Variants in PLOD2 observed in about 807,000 individuals in gnomAD.
PLOD2 encodes the protein lysine hydroxylase 2.
PLOD2 carries 65 observed loss-of-function variants against 101.0 expected under a neutral mutation model. That is an observed-to-expected ratio of 0.64 (90% CI 0.53 to 0.79). The LOEUF (loss-of-function observed/expected upper bound fraction) is 0.79, where lower values mean the gene tolerates loss of function less well. Ranked by LOEUF, PLOD2 falls within the 30% of genes least tolerant of loss-of-function variation. The pLI is 0.00. For missense variants in PLOD2, 909 were observed against 914.6 expected, an observed-to-expected ratio of 0.99 and a Z score of 0.08; for synonymous variants, 314 against 302.9, an observed-to-expected ratio of 1.04 and a Z score of -0.38.
At chr3:146,122,892 C>A (rs560337613) in intron 2 of PLOD2, among the ~76,000 whole-genome samples, 2 of 152,224 alleles carry the variant, frequency 1.3e-5, no homozygotes, top group African/African-American at 4.8e-5. Context: ...CCATTCTGAA[C>A]CCTAACGATT....
chr3:146,111,430 C>T (rs1204771694), intron 3 of PLOD2, among the ~76,000 whole-genome samples: 1 of 152,062 alleles, frequency 6.6e-6, no homozygotes, highest in African/African-American at 2.4e-5. Context: ...AACCTCTTTA[C>T]ACTTAAGTGT....
At chr3:146,128,648 A>G (rs2030726892) in intron 1 of PLOD2, among the ~76,000 whole-genome samples, 1 of 152,102 alleles carries the variant, frequency 6.6e-6, no homozygotes, top group Admixed American at 6.6e-5. Context: ...CAATTTGTTT[A>G]GAAAGGCCAA....
chr3:146,083,896 T>C (rs539216384), intron 11 of PLOD2, among the ~76,000 whole-genome samples: 20 of 152,054 alleles, frequency 1.3e-4, no homozygotes, highest in African/African-American at 4.6e-4. Context: ...TTTTTTTTCT[T>C]TTAGAAGATT....
In PLOD2 at chr3:146,123,441, G is replaced by C. The variant is rs552910881; in HGVS notation, c.201+697C>G. On this transcript the variant is annotated intron_variant, in intron 2 of 19. Coordinates refer to ENST00000282903, the MANE Select transcript of PLOD2 (RefSeq NM_182943.3). Reference sequence around the variant, plus strand: ...CACTTGTCAATGAGATGTTCACCTGGAGATAAGTTTTCTAAAATGCTTTGG... The same window carrying C: ...CACTTGTCAATGAGATGTTCACCTGCAGATAAGTTTTCTAAAATGCTTTGG... 2.1e-4 allele frequency: 38 copies of C among 181,950 alleles called. No homozygotes were observed. The East Asian group carries it at 5.0e-3, about 24-fold the overall frequency. 11.3% of individuals were successfully genotyped at this position (181,950 alleles called of 1,614,324 possible).
chr3:146,097,601 C>T (rs1403817100), intron 7 of PLOD2, among the ~76,000 whole-genome samples: 15 of 117,018 alleles, frequency 1.3e-4, no homozygotes, highest in African/African-American at 4.7e-4. Context: ...TTGAAGGCAG[C>T]ATGCTCGTTA....
chr3:146,160,107 A>G (rs1483158426), intron 1 of PLOD2, among the ~76,000 whole-genome samples: 1 of 152,256 alleles, frequency 6.6e-6, no homozygotes, highest in East Asian at 1.9e-4. Context: ...AGTTGAGCAC[A>G]AAGAGCACAA....
chr3:146,095,282 A>G (rs1576588373), intron 7 of PLOD2, among the ~76,000 whole-genome samples: 1 of 152,206 alleles, frequency 6.6e-6, no homozygotes, highest in Middle Eastern at 3.4e-3. Context: ...TGAACAGGCA[A>G]CCTACAGAAT....
rs2030396574 is a variant in PLOD2, at chr3:146,124,187, C to T, written c.152G>A (p.Gly51Glu). The T allele has an allele frequency of 6.3e-7, 1 of 1,597,560 alleles. No individual in the cohort carries two copies. The highest frequency in any genetic ancestry group is 1.7e-5 in the Admixed American group (1 of 59,882). ...VITVATKESDGFHRFMQSAKY... is the reference protein window; with the variant it reads ...VITVATKESDEFHRFMQSAKY... ...GGCTGACTGCATAAATCGATGGAAT[C>T]CATCACTTTCTTTTGTTGCTACAGT... Residue 51 changes from glycine to glutamate, a missense_variant, in exon 2 of 20, where the codon GGA becomes GAA. By Grantham distance (98) the Gly-to-Glu change is moderately conservative. Transcript: ENST00000282903.
In PLOD2 at chr3:146,081,730, T is replaced by C. The variant is rs1381766296; in HGVS notation, c.1358+8A>G. 1 of 1,600,748 alleles carries C rather than the reference T, an allele frequency of 6.2e-7. No homozygotes were observed. Among genetic ancestry groups the C allele is most frequent in the Non-Finnish European group, 8.6e-7 (1 of 1,168,542 alleles). On this transcript the variant is annotated splice_region_variant and intron_variant, in intron 12 of 19. Transcript: ENST00000282903. ...TTTCACATTAAAATATTAAACCAAG[T>C]AACTTACACTCTATTCCCTTGAACA...
rs760643773 is a variant in PLOD2 at position 146,071,124 on chromosome 3, C to A, written c.2039G>T (p.Arg680Leu). The A allele has an allele frequency of 2.5e-6, 4 of 1,610,848 alleles. No individual in the cohort carries two copies. In the South Asian group the frequency reaches 3.3e-5, roughly 13 times the overall value. The change falls in exon 19 of 20, where the codon CGA (arginine) becomes CTA (leucine). Residue 680 changes from arginine to leucine, a missense_variant. By Grantham distance (102) the Arg-to-Leu change is moderately radical. Transcript: ENST00000282903. ...ATGATGAGGACGAAGAGAACGCTGT[C>A]GTTCAGGGGAGTATTTTACTACAAA... ...LNFVVKYSPE[R>L]QRSLRPHHDA...
intron 7 of PLOD2, among the ~76,000 whole-genome samples, chr3:146,097,843 A>G (rs564222549): frequency 1.3e-5 from 2 of 151,612 alleles, no homozygotes; most frequent in South Asian, 2.1e-4. Flanking sequence ...AAAATGTGGC[A>G]TATATACACC....
chr3:146,156,061 A>G (rs1272242847), intron 1 of PLOD2, among the ~76,000 whole-genome samples: 7 of 152,226 alleles, frequency 4.6e-5, no homozygotes, highest in African/African-American at 1.7e-4. Context: ...TTTGATCATG[A>G]GAACACTACT....
intron 17 of PLOD2, among the ~76,000 whole-genome samples, chr3:146,071,942 C>T (rs1317773040): frequency 6.6e-6 from 1 of 151,720 alleles, no homozygotes; most frequent in Non-Finnish European, 1.5e-5. Flanking sequence ...CTTTAAGCTT[C>T]CCTCTCCCTT....
In PLOD2 at chr3:146,148,338, G is replaced by GCACGCACA. The variant is rs1553742438; in HGVS notation, c.109+12542_109+12543insTGTGCGTG. Among the ~76,000 whole-genome samples the GCACGCACA allele has an allele frequency of 3.1e-3, 455 of 146,538 alleles. 1 individual carries two copies. The highest frequency in any genetic ancestry group is 7.1e-3 in the South Asian group (32 of 4,530). On this transcript the variant is annotated intron_variant, in intron 1 of 19. Transcript: ENST00000282903. Reference sequence around the variant, plus strand: ...TACAGGCAGGCAGGCAGGCAGGCACGCACACACACACACACACACACACAC... The same window carrying GCACGCACA: ...TACAGGCAGGCAGGCAGGCAGGCACGCACGCACACACACACACACACACACACACACAC...
intron 7 of PLOD2, among the ~76,000 whole-genome samples, chr3:146,097,578 G>A (rs1384845082): frequency 2.5e-3 from 290 of 114,336 alleles, no homozygotes; most frequent in Admixed American, 3.7e-3. Context: ...GATGTGCTTT[G>A]TTAAACAGAT....
In PLOD2 at chr3:146,120,757, G is replaced by A. The variant is rs568793561; in HGVS notation, c.338+355C>T. Among the ~76,000 whole-genome samples the A allele has an allele frequency of 2.9e-3, 438 of 152,052 alleles. 1 individual carries two copies. Among genetic ancestry groups the A allele is most frequent in the Non-Finnish European group, 4.9e-3 (333 of 67,982 alleles). Reference sequence around the variant, plus strand: ...TAATTTTTTTTTGAAATGGAGTCTTGCTCTGTTGCCAGGATGGAGTAGAGT... The same window carrying A: ...TAATTTTTTTTTGAAATGGAGTCTTACTCTGTTGCCAGGATGGAGTAGAGT... On this transcript the variant is annotated intron_variant, in intron 3 of 19. Coordinates refer to ENST00000282903, the MANE Select transcript of PLOD2 (RefSeq NM_182943.3).
intron 2 of PLOD2, among the ~76,000 whole-genome samples, chr3:146,122,853 T>C (rs1430729235): frequency 4.6e-5 from 7 of 152,120 alleles, no homozygotes; most frequent in African/African-American, 1.4e-4. Context: ...ACAAGGTGCC[T>C]TGCACATAAG....
chr3:146,094,983 T>C (rs928997018), intron 7 of PLOD2, among the ~76,000 whole-genome samples: 2 of 152,136 alleles, frequency 1.3e-5, no homozygotes, highest in East Asian at 1.9e-4. Flanking sequence ...GGATTCCCTA[T>C]TTAATATGTA....
chr3:146,096,203 G>C (rs1199125991), intron 7 of PLOD2, among the ~76,000 whole-genome samples: 2 of 139,706 alleles, frequency 1.4e-5, no homozygotes, highest in Non-Finnish European at 3.1e-5. Context: ...ATGGTGCCCA[G>C]GCTGGAGTGC....
Sources: gnomAD v4.1 joint callset for allele counts (sites outside exome capture counted in the v4.1 genomes callset) on GRCh38, gnomAD v4.1.1 for gene constraint, MANE v1.5 for transcripts, NCBI Gene and HGNC (gene_info 2026-07-23, HGNC 2026-07-21) for gene names.